The following ADCY2 variants were observed in gnomAD, a reference collection of about 807,000 sequenced individuals.
ADCY2 encodes adenylate cyclase type 2.
In ADCY2, 31 loss-of-function variants were observed where a neutral mutation model predicts 125.2. The ratio of observed to expected loss-of-function variants is 0.25; its 90% CI spans 0.19 to 0.33. The LOEUF (loss-of-function observed/expected upper bound fraction) is 0.33, where lower values mean the gene tolerates loss of function less well. ADCY2 is among the 10% of genes least tolerant of loss of function. The pLI is 1.00. For missense variants in ADCY2, 904 were observed against 1,418.2 expected (o/e 0.64, Z 5.82); for synonymous variants, 512 against 548.4 (o/e 0.93, Z 0.93).
intron 3 of ADCY2, among the ~76,000 whole-genome samples, chr5:7,611,476 A>G (rs555164922): frequency 5.6e-4 from 85 of 152,232 alleles, no homozygotes; most frequent in African/African-American, 2.0e-3. Flanking sequence ...TTGATTTTTT[A>G]GTGGCAGGTT....
chr5:7,792,801 G>C (rs1265182345), intron 20 of ADCY2, among the ~76,000 whole-genome samples: 1 of 152,212 alleles, frequency 6.6e-6, no homozygotes, highest in Non-Finnish European at 1.5e-5. Flanking sequence ...TTACTTCCCT[G>C]TCCGAGCCTC....
Position 7,784,392 on chromosome 5 carries a change from C to A in ADCY2, c.2412C>A (p.Thr804=). The part of the protein sequence containing the change: ...ERPGIWKDLK[T]MGSVSLSIFF... ...CAGGCATTTGGAAAGACCTGAAGAC[C>A]ATGGGCTCTGTGTCTCTCTCTATAT... The change falls in exon 19 of 25, where the codon ACC becomes ACA. Residue 804 remains threonine (T), a synonymous_variant. Transcript: ENST00000338316. 1 of 1,613,960 alleles carries A rather than the reference C, an allele frequency of 6.2e-7. No homozygotes were observed. The highest frequency in any genetic ancestry group is 1.7e-5 in the Admixed American group (1 of 60,020).
At chr5:7,731,520 G>T (rs762640705) in intron 14 of ADCY2, among the ~76,000 whole-genome samples, 1 of 152,064 alleles carries the variant, frequency 6.6e-6, no homozygotes, top group Non-Finnish European at 1.5e-5. Flanking sequence ...CTCCCAAAGT[G>T]CTGGGATTAT....
chr5:7,661,558 G>C (rs1367908448), intron 4 of ADCY2, among the ~76,000 whole-genome samples: 7 of 152,192 alleles, frequency 4.6e-5, no homozygotes, highest in African/African-American at 1.7e-4. Context: ...TACAAAGATT[G>C]GTTTATCCCG....
At position 7,414,576 on chromosome 5, in the gene ADCY2, G is replaced by A; in HGVS notation, c.214G>A (p.Val72Ile). The A allele has an allele frequency of 1.2e-6, 2 of 1,609,264 alleles. No individual in the cohort carries two copies. The highest frequency in any genetic ancestry group is 8.5e-7 in the Non-Finnish European group (1 of 1,178,370). ...LAVFFALGLE[V>I]EDHVAFLITV... Reference sequence around the variant, plus strand: ...ATGTATTTTTTTATCTCCTCAGGAAGTTGAAGACCATGTGGCGTTTCTAAT... The same window carrying A: ...ATGTATTTTTTTATCTCCTCAGGAAATTGAAGACCATGTGGCGTTTCTAAT... Residue 72 changes from valine to isoleucine, a missense_variant, in exon 2 of 25, where the codon GTT becomes ATT. This residue lies in a region of ADCY2 where 113 missense variants were observed against 108.0 expected (regional missense o/e 1.05). Coordinates refer to ENST00000338316, the MANE Select transcript of ADCY2 (RefSeq NM_020546.3).
rs141155667 is a variant in ADCY2 at position 7,554,051 on chromosome 5, A to G, written c.570+33152A>G. On this transcript the variant is annotated intron_variant, in intron 3 of 24. Coordinates refer to ENST00000338316, the MANE Select transcript of ADCY2 (RefSeq NM_020546.3). ...TATACAAGTGAAAATCAGCCATTCA[A>G]GCATCTTGTGTCTTTAAAAAAAGGG... Among the ~76,000 whole-genome samples, 223 of 152,326 alleles carry G rather than the reference A, an allele frequency of 1.5e-3. 1 individual carries two copies. The highest frequency in any genetic ancestry group is 4.5e-3 in the African/African-American group (188 of 41,570).
intron 4 of ADCY2, among the ~76,000 whole-genome samples, chr5:7,636,517 C>T (rs1738509389): frequency 1.3e-5 from 2 of 152,176 alleles, no homozygotes; most frequent in South Asian, 4.1e-4. Context: ...AGGCAGTATA[C>T]AAGGCAGATG....
intron 2 of ADCY2, among the ~76,000 whole-genome samples, chr5:7,454,931 C>T (rs1741613547): frequency 1.3e-5 from 2 of 152,106 alleles, no homozygotes; most frequent in African/African-American, 4.8e-5. Flanking sequence ...ATAAATCCCC[C>T]TCATGCATAG....
intron 2 of ADCY2, among the ~76,000 whole-genome samples, chr5:7,421,006 G>A (rs1460600191): frequency 6.6e-6 from 1 of 152,144 alleles, no homozygotes; most frequent in South Asian, 2.1e-4. Context: ...ATCAGTGGCA[G>A]AGTGTATCTC....
chr5:7,746,436 T>C (rs1027645109), intron 15 of ADCY2: 3 of 152,252 alleles, frequency 2.0e-5, no homozygotes, highest in Non-Finnish European at 2.9e-5. Flanking sequence ...AAGGATTTTT[T>C]AATTTGCAAC....
At chr5:7,414,884 A>G in intron 2 of ADCY2, 114 bp downstream of exon 2, 1 of 861,866 alleles carries the variant, frequency 1.2e-6, no homozygotes, top group Non-Finnish European at 1.7e-6. Context: ...CTGAGAGCAG[A>G]GTCTATTTTT....
intron 3 of ADCY2, among the ~76,000 whole-genome samples, chr5:7,603,492 T>A (rs1045655906): frequency 6.6e-6 from 1 of 152,244 alleles, no homozygotes; most frequent in Admixed American, 6.5e-5. Flanking sequence ...ATCACGTGGC[T>A]GCAGAATTTT....
intron 4 of ADCY2, among the ~76,000 whole-genome samples, chr5:7,674,873 T>C (rs1047668455): frequency 3.3e-5 from 5 of 152,196 alleles, no homozygotes; most frequent in African/African-American, 9.6e-5. Flanking sequence ...TGGTCTATTT[T>C]GGCTGGGCGC....
rs935279003 is a variant in ADCY2 at position 7,415,366 on chromosome 5, CG to C, written c.408+600del. Among the ~76,000 whole-genome samples, 109 of 152,246 alleles carry C rather than the reference CG, an allele frequency of 7.2e-4. 1 individual carries two copies. The highest frequency in any genetic ancestry group is 2.5e-3 in the African/African-American group (104 of 41,542). ...ATCGTACCACAGCCAAGGAGCTGGC[CG>C]GGGCCTCATACTGTCACTTGTTTCG... is the stretch of plus-strand genomic sequence containing the variant. On this transcript the variant is annotated intron_variant, in intron 2 of 24. Transcript: ENST00000338316.
rs368937714 is a variant in ADCY2 at position 7,557,097 on chromosome 5, A to G, written c.570+36198A>G. On this transcript the variant is annotated intron_variant, in intron 3 of 24. Coordinates refer to ENST00000338316, the MANE Select transcript of ADCY2 (RefSeq NM_020546.3). ...ATGTTTTCAATGAATACAGCTAATA[A>G]AAGTTATCTCACCTATAAATCATGA... Among the ~76,000 whole-genome samples the G allele has an allele frequency of 2.6e-5, 4 of 151,060 alleles. No individual in the cohort carries two copies. The East Asian group carries it at 7.7e-4, about 29-fold the overall frequency.
chr5:7,657,190 T>G (rs1739368283), intron 4 of ADCY2, among the ~76,000 whole-genome samples: 1 of 152,162 alleles, frequency 6.6e-6, no homozygotes, highest in South Asian at 2.1e-4. Flanking sequence ...GTCCCAAGCA[T>G]TTTGAATAAA....
intron 14 of ADCY2, among the ~76,000 whole-genome samples, chr5:7,738,995 G>C (rs1742332325): frequency 6.6e-6 from 1 of 151,750 alleles, no homozygotes; most frequent in South Asian, 2.1e-4. Flanking sequence ...CTCTTTTCTA[G>C]TTATTATTAT....
intron 2 of ADCY2, among the ~76,000 whole-genome samples, chr5:7,508,355 TCA>T (rs1265215930): frequency 6.6e-6 from 1 of 152,192 alleles, no homozygotes; most frequent in Non-Finnish European, 1.5e-5. Flanking sequence ...ATTTCATATT[TCA>T]CACCCCCTCG....
intron 4 of ADCY2, among the ~76,000 whole-genome samples, chr5:7,672,502 T>C (rs184161804): frequency 2.0e-5 from 3 of 151,986 alleles, no homozygotes; most frequent in South Asian, 2.1e-4. Flanking sequence ...TTAGATGATT[T>C]TTTTTTTTAA....
Sources: allele counts gnomAD v4.1 joint callset (sites outside exome capture counted in the v4.1 genomes callset), GRCh38; gene constraint gnomAD v4.1.1; regional missense constraint gnomAD v4.1.1; transcripts MANE v1.5; gene names NCBI Gene and HGNC (gene_info 2026-07-23, HGNC 2026-07-21).